LRRC37A2: variants seen among roughly 807,000 people sequenced by gnomAD.
LRRC37A2 encodes the protein leucine rich repeat containing 37 member A2.
LRRC37A2 carries 9 observed loss-of-function variants against 68.8 expected under a neutral mutation model. The observed-to-expected ratio is 0.13, with a 90% CI of 0.08 to 0.23. LRRC37A2 has a LOEUF of 0.23. Ranked by LOEUF, LRRC37A2 falls within the 10% of genes least tolerant of loss-of-function variation. LRRC37A2 has a pLI of 1.00. For synonymous variants in LRRC37A2, 63 were observed against 367.6 expected (o/e 0.17, Z 9.48); for missense variants, 168 against 950.4 (o/e 0.18, Z 10.82).
the LRRC37A2 span, among the ~76,000 whole-genome samples, chr17:46,687,456 A>G: frequency 1.3e-5 from 2 of 150,028 alleles, no homozygotes; most frequent in African/African-American, 4.9e-5. Context: ...TTATCATACT[A>G]CAGGGTAATT....
the LRRC37A2 span, among the ~76,000 whole-genome samples, chr17:46,839,927 TC>T: frequency 7.9e-6 from 1 of 126,212 alleles, no homozygotes; most frequent in Non-Finnish European, 1.8e-5. Flanking sequence ...TTTCTTTCTT[TC>T]TTTCTTTCTT....
chr17:46,905,006 T>G, the LRRC37A2 span, among the ~76,000 whole-genome samples: 1 of 152,228 alleles, frequency 6.6e-6, no homozygotes, highest in Non-Finnish European at 1.5e-5. Flanking sequence ...GGTCTCCGCT[T>G]GTTCCAAAGC....
chr17:46,960,224 G>T, the LRRC37A2 span, among the ~76,000 whole-genome samples: 1 of 152,210 alleles, frequency 6.6e-6, no homozygotes, highest in Admixed American at 6.5e-5. Flanking sequence ...AAGATATACA[G>T]ATGGCACTTA....
chr17:46,667,195 ATGCT>A, the LRRC37A2 span, among the ~76,000 whole-genome samples: 1 of 113,594 alleles, frequency 8.8e-6, no homozygotes, highest in Admixed American at 1.0e-4. Flanking sequence ...ACCATAAAGT[ATGCT>A]AAGTGCTTTA....
chr17:46,408,543 T>A, the LRRC37A2 span, among the ~76,000 whole-genome samples: 1,478 of 70,530 alleles, frequency 0.021, 172 homozygotes, highest in African/African-American at 0.047. Context: ...TTTTTTTTTT[T>A]ATTTTGTAGG....
chr17:46,979,240 G>T, the LRRC37A2 span: 1 of 406,162 alleles, frequency 2.5e-6, no homozygotes, highest in Non-Finnish European at 4.4e-6. Context: ...AGCTGGAGCC[G>T]GAGAACCTAG....
At chr17:46,779,082 C>CACAG in the LRRC37A2 span, among the ~76,000 whole-genome samples, 2 of 147,116 alleles carry the variant, frequency 1.4e-5, no homozygotes, top group Non-Finnish European at 3.0e-5. Context: ...CACACACACA[C>CACAG]ACACACACAC....
chr17:47,000,868 T>C, the LRRC37A2 span, among the ~76,000 whole-genome samples: 1 of 152,144 alleles, frequency 6.6e-6, no homozygotes, highest in African/African-American at 2.4e-5. Flanking sequence ...GAGTAGGACA[T>C]TCTTTTAAAA....
chr17:46,951,660 C>A, the LRRC37A2 span, among the ~76,000 whole-genome samples: 1 of 152,202 alleles, frequency 6.6e-6, no homozygotes, highest in African/African-American at 2.4e-5. Flanking sequence ...CCCCGTTCCC[C>A]TCTGCACAAC....
At chr17:46,756,896 C>T in the LRRC37A2 span, 2 of 152,586 alleles carry the variant, frequency 1.3e-5, no homozygotes, top group Admixed American at 6.5e-5. Context: ...AGGAAGCACC[C>T]GTTGAGTCCT....
chr17:46,982,968 G>A, the LRRC37A2 span, among the ~76,000 whole-genome samples: 1 of 152,148 alleles, frequency 6.6e-6, no homozygotes, highest in Non-Finnish European at 1.5e-5. Flanking sequence ...CATTAGAAGA[G>A]GGGCATCCTA....
the LRRC37A2 span, among the ~76,000 whole-genome samples, chr17:46,853,216 T>G: frequency 6.6e-6 from 1 of 152,052 alleles, no homozygotes; most frequent in Non-Finnish European, 1.5e-5. Context: ...CTTGGCCAAG[T>G]CACTTAACTT....
At chr17:46,681,562 CA>C in the LRRC37A2 span, among the ~76,000 whole-genome samples, 5 of 148,248 alleles carry the variant, frequency 3.4e-5, no homozygotes, top group African/African-American at 5.0e-5. Context: ...ATCTCGTCTT[CA>C]AAAAAAAAAC....
At chr17:46,742,520 T>C in the LRRC37A2 span, among the ~76,000 whole-genome samples, 1 of 152,150 alleles carries the variant, frequency 6.6e-6, no homozygotes, top group Non-Finnish European at 1.5e-5. Context: ...ATATAGTAAG[T>C]ATATAGTATG....
At chr17:46,759,808 C>T in the LRRC37A2 span, among the ~76,000 whole-genome samples, 1 of 152,182 alleles carries the variant, frequency 6.6e-6, no homozygotes, top group Non-Finnish European at 1.5e-5. Context: ...CTTTCCTTCC[C>T]TTCTTTCTTC....
At chr17:46,763,777 G>C in the LRRC37A2 span, 2 of 146,166 alleles carry the variant, frequency 1.4e-5, no homozygotes, top group Non-Finnish European at 3.0e-5. Context: ...GAAGCCATTT[G>C]AGCTAGAGAA....
the LRRC37A2 span, among the ~76,000 whole-genome samples, chr17:47,026,002 G>A: frequency 7.3e-6 from 1 of 136,732 alleles, no homozygotes; most frequent in Non-Finnish European, 1.6e-5. Context: ...TGCTTTCAGG[G>A]ACCTGTTTAT....
At chr17:46,871,923 G>A in the LRRC37A2 span, among the ~76,000 whole-genome samples, 1 of 152,132 alleles carries the variant, frequency 6.6e-6, no homozygotes, top group Admixed American at 6.5e-5. Flanking sequence ...GGTCTATCTG[G>A]GAATTATGGA....
chr17:46,742,862 TC>T, the LRRC37A2 span, among the ~76,000 whole-genome samples: 1 of 152,216 alleles, frequency 6.6e-6, no homozygotes, highest in Non-Finnish European at 1.5e-5. Context: ...GTAGAATTTT[TC>T]TAAGGGTCTC....
Sources: gnomAD v4.1 joint callset for allele counts (sites outside exome capture counted in the v4.1 genomes callset) on GRCh38, gnomAD v4.1.1 for gene constraint, MANE v1.5 for transcripts, NCBI Gene and HGNC (gene_info 2026-07-23, HGNC 2026-07-21) for gene names.